Variants in ASCC3 observed in about 807,000 individuals in gnomAD.
ASCC3 encodes ASC-1 complex subunit P200.
A neutral mutation model predicts 256.3 loss-of-function variants in ASCC3; 158 were observed. That is an observed-to-expected ratio of 0.62 (90% CI 0.54 to 0.70). ASCC3 has a LOEUF of 0.70. ASCC3 is among the 30% of genes least tolerant of loss of function. ASCC3 has a pLI of 0.00. For synonymous variants in ASCC3, 948 were observed against 883.4 expected, an observed-to-expected ratio of 1.07 and a Z score of -1.30; for missense variants, 2,259 against 2,626.0, an observed-to-expected ratio of 0.86 and a Z score of 3.05.
At chr6:100,570,170 A>C (rs748373955) in intron 36 of ASCC3, among the ~76,000 whole-genome samples, 1 of 152,196 alleles carries the variant, frequency 6.6e-6, no homozygotes, top group Non-Finnish European at 1.5e-5. Flanking sequence ...GTTGGTTTTA[A>C]TATTCTTCTG....
Position 100,627,909 on chromosome 6 carries a change from C to G in ASCC3, c.4454G>C (p.Arg1485Thr). ...TAATGCAGTAGATAGTCCAACTATT[C>G]TAACAGGCTTTTCTGTGTGTGATGA... ...FISSHTEKPV[R>T]IVGLSTALAN... The change falls in exon 28 of 42, where the codon AGA becomes ACA. Residue 1485 changes from arginine (R) to threonine (T), a missense_variant. This residue lies in a region of ASCC3 where 1,839 missense variants were observed against 2,206.7 expected (regional missense o/e 0.83). Transcript: ENST00000369162. 6.2e-7 allele frequency: 1 copy of G among 1,613,586 alleles called. No homozygotes were observed. The highest frequency in any genetic ancestry group is 8.5e-7 in the Non-Finnish European group (1 of 1,179,808).
Position 100,812,398 on chromosome 6 carries a change from T to A in ASCC3, c.802-6518A>T, listed in dbSNP as rs543028915. On this transcript the variant is annotated intron_variant, in intron 4 of 41. Coordinates refer to ENST00000369162, the MANE Select transcript of ASCC3 (RefSeq NM_006828.4). The stretch of plus-strand genomic sequence containing the variant: ...TACTTCAAAGTAGGCATTGTAAATA[T>A]GTTCAAAGAACTAAAGAGAACCGTG... Among the ~76,000 whole-genome samples the A allele has an allele frequency of 2.6e-5, 4 of 152,062 alleles. No homozygotes were observed. In the South Asian group the frequency reaches 8.3e-4, roughly 32 times the overall value.
chr6:100,647,918 T>C (rs183840227), intron 20 of ASCC3, among the ~76,000 whole-genome samples: 1 of 152,148 alleles, frequency 6.6e-6, no homozygotes, highest in Non-Finnish European at 1.5e-5. Context: ...TACTGATTAG[T>C]GTAGCTACTC....
At chr6:100,791,023 T>C (rs1165143849) in intron 8 of ASCC3, among the ~76,000 whole-genome samples, 1 of 151,902 alleles carries the variant, frequency 6.6e-6, no homozygotes, top group Non-Finnish European at 1.5e-5. Context: ...TAGTTTTGAA[T>C]GATAAAGCAT....
chr6:100,799,698 A>C (rs1471329290), intron 6 of ASCC3, 126 bp from the exon 7 acceptor site: 14 of 972,934 alleles, frequency 1.4e-5, no homozygotes, highest in Non-Finnish European at 1.8e-5. Flanking sequence ...ATTAAACTAC[A>C]CAAAGGAAGA....
intron 26 of ASCC3, among the ~76,000 whole-genome samples, chr6:100,630,614 G>C (rs1288693195): frequency 2.6e-5 from 4 of 151,230 alleles, no homozygotes; most frequent in Non-Finnish European, 4.4e-5. Flanking sequence ...TGCTCTACTG[G>C]AAATTCGTTT....
chr6:100,863,528 T>G (rs924413997), intron 3 of ASCC3, among the ~76,000 whole-genome samples: 1 of 152,216 alleles, frequency 6.6e-6, no homozygotes, highest in East Asian at 1.9e-4. Context: ...AAATCCTTCA[T>G]GCTAGATAGT....
chr6:100,807,635 T>C (rs1360569138), intron 4 of ASCC3, among the ~76,000 whole-genome samples: 1 of 151,922 alleles, frequency 6.6e-6, no homozygotes, highest in Non-Finnish European at 1.5e-5. Context: ...AATAAATTAG[T>C]AATGATTGTA....
At chr6:100,631,597 T>A (rs967543391) in intron 25 of ASCC3, among the ~76,000 whole-genome samples, 10 of 151,792 alleles carry the variant, frequency 6.6e-5, no homozygotes, top group Admixed American at 4.6e-4. Flanking sequence ...TGATAAAAAA[T>A]TTTTTCTATT....
intron 12 of ASCC3, 109 bp from the exon 13 acceptor site, chr6:100,715,642 T>G: frequency 1.2e-6 from 1 of 812,330 alleles, no homozygotes; most frequent in Non-Finnish European, 2.0e-6. Flanking sequence ...TCAGGCTATC[T>G]AGAATGCAGA....
intron 1 of ASCC3, among the ~76,000 whole-genome samples, chr6:100,875,020 A>G (rs1413827768): frequency 6.6e-6 from 1 of 152,230 alleles, no homozygotes; most frequent in Non-Finnish European, 1.5e-5. Flanking sequence ...TCATTCTGAT[A>G]ATCAGAATCA....
Position 100,685,850 on chromosome 6 carries a change from T to C in ASCC3, c.2152-6098A>G, listed in dbSNP as rs571808362. ...GTGCATGCCGTAGATCCAAGAATCA[T>C]CCATAGTTAGACACTACAAGTCACT... On this transcript the variant is annotated intron_variant, in intron 13 of 41. Transcript: ENST00000369162. Among the ~76,000 whole-genome samples, 25 of 152,340 alleles carry C rather than the reference T, an allele frequency of 1.6e-4. No individual in the cohort carries two copies. In the South Asian group the frequency reaches 5.2e-3, roughly 32 times the overall value.
chr6:100,855,846 A>C (rs1357584428), intron 3 of ASCC3, among the ~76,000 whole-genome samples: 1 of 152,200 alleles, frequency 6.6e-6, no homozygotes, highest in Non-Finnish European at 1.5e-5. Flanking sequence ...ACAACTACAG[A>C]GGGTGAGAAC....
chr6:100,613,682 G>T (rs1475576129), intron 30 of ASCC3, among the ~76,000 whole-genome samples: 1 of 151,866 alleles, frequency 6.6e-6, no homozygotes, highest in African/African-American at 2.4e-5. Flanking sequence ...CTTTTTCTTC[G>T]GGTAGACACC....
intron 4 of ASCC3, among the ~76,000 whole-genome samples, chr6:100,836,350 T>A (rs1367199029): frequency 6.6e-6 from 1 of 152,100 alleles, no homozygotes; most frequent in Non-Finnish European, 1.5e-5. Flanking sequence ...GTTTTCAACT[T>A]TTCCCTATTC....
intron 13 of ASCC3, among the ~76,000 whole-genome samples, chr6:100,699,363 G>A (rs755780799): frequency 3.3e-5 from 5 of 152,006 alleles, no homozygotes; most frequent in Admixed American, 2.0e-4. Flanking sequence ...TTTTCCTGCC[G>A]CCATCCATGT....
At chr6:100,611,079 A>T (rs1773370483) in intron 30 of ASCC3, among the ~76,000 whole-genome samples, 1 of 152,196 alleles carries the variant, frequency 6.6e-6, no homozygotes, top group South Asian at 2.1e-4. Flanking sequence ...ATCCTCTGGC[A>T]GAAGGTCTGG....
chr6:100,587,275 G>A (rs994853972), intron 36 of ASCC3, among the ~76,000 whole-genome samples: 15 of 151,088 alleles, frequency 9.9e-5, no homozygotes, highest in Admixed American at 2.0e-4. Flanking sequence ...TGAGTTCTTT[G>A]AGTCATTTGG....
At chr6:100,526,716 T>A (rs969214586) in intron 37 of ASCC3, among the ~76,000 whole-genome samples, 4 of 152,174 alleles carry the variant, frequency 2.6e-5, no homozygotes, top group Non-Finnish European at 5.9e-5. Context: ...CACCACTGTG[T>A]GGTCCTTTGC....
Sources: allele counts gnomAD v4.1 joint callset (sites outside exome capture counted in the v4.1 genomes callset), GRCh38; gene constraint gnomAD v4.1.1; regional missense constraint gnomAD v4.1.1; transcripts MANE v1.5; gene names NCBI Gene and HGNC (gene_info 2026-07-23, HGNC 2026-07-21).